The following TSHZ2 variants were observed in gnomAD, a reference collection of about 807,000 sequenced individuals.
TSHZ2 encodes teashirt zinc finger homeobox 2, also known as teashirt homolog 2.
In TSHZ2, 21 loss-of-function variants were observed where a neutral mutation model predicts 74.4. The ratio of observed to expected loss-of-function variants is 0.28; its 90% CI spans 0.20 to 0.41. The LOEUF (loss-of-function observed/expected upper bound fraction) is 0.41. Ranked by LOEUF, TSHZ2 falls within the 10% of genes least tolerant of loss-of-function variation. The pLI, the probability that TSHZ2 is intolerant of heterozygous loss-of-function variation, is 1.00. For synonymous variants in TSHZ2, 540 were observed against 515.3 expected (o/e 1.05, Z -0.65); for missense variants, 1,244 against 1,293.5 (o/e 0.96, Z 0.59).
chr20:53,350,558 T>G (rs1449978820), intron 2 of TSHZ2, among the ~76,000 whole-genome samples: 1 of 152,228 alleles, frequency 6.6e-6, no homozygotes, highest in Non-Finnish European at 1.5e-5. Flanking sequence ...CCTTGTATCC[T>G]ACTTGATAGG....
At position 53,391,667 on chromosome 20, in the gene TSHZ2, G is replaced by A. The variant is rs190554813; in HGVS notation, c.*9-95477G>A. 2.7e-3 allele frequency among the ~76,000 whole-genome samples: 406 copies of A among 152,262 alleles called. 2 individuals carry two copies. The highest frequency in any genetic ancestry group is 3.1e-3 in the Admixed American group (47 of 15,292). On this transcript the variant is annotated intron_variant, in intron 2 of 2. Coordinates refer to ENST00000371497, the MANE Select transcript of TSHZ2 (RefSeq NM_173485.6). Reference sequence around the variant, plus strand: ...ATATTAAGAATGGCAAAATAGCCGAGCACAGTGGCTCTCGCCTGTAATCCC... The same window carrying A: ...ATATTAAGAATGGCAAAATAGCCGAACACAGTGGCTCTCGCCTGTAATCCC...
intron 2 of TSHZ2, among the ~76,000 whole-genome samples, chr20:53,274,157 C>T (rs1568847136): frequency 1.3e-5 from 2 of 152,282 alleles, no homozygotes; most frequent in South Asian, 4.1e-4. Context: ...GTAATCCCAG[C>T]TACTCAGGAA....
rs1408803738 is a variant in TSHZ2, at chr20:53,475,114, G to C, written c.*9-12030G>C. On this transcript the variant is annotated intron_variant, in intron 2 of 2. Transcript: ENST00000371497. ...GACAGATCAACGAGACAGAAAGTCA[G>C]CAAGGATACCCAGGAATTGAACTCA... Among the ~76,000 whole-genome samples the C allele has an allele frequency of 5.7e-5, 8 of 139,136 alleles. 1 individual carries two copies. The highest frequency in any genetic ancestry group is 2.3e-4 in the African/African-American group (8 of 35,534). The allele number at this position is 139,136 out of a possible 152,430, so 91.3% of individuals were successfully genotyped here. A position where few individuals can be genotyped will look rare whatever the true frequency, so the allele number is the denominator to read the frequency against.
At chr20:53,473,944 A>G (rs1305212241) in intron 2 of TSHZ2, among the ~76,000 whole-genome samples, 7 of 152,032 alleles carry the variant, frequency 4.6e-5, no homozygotes, top group South Asian at 2.1e-4. Flanking sequence ...AAGCGAGAAG[A>G]GAAGTTTAGA....
intron 2 of TSHZ2, among the ~76,000 whole-genome samples, chr20:53,275,622 A>G (rs550373728): frequency 1.8e-4 from 27 of 152,240 alleles, no homozygotes; most frequent in African/African-American, 6.3e-4. Flanking sequence ...TTTGGAAGCA[A>G]TGGTTAAAAC....
chr20:53,003,205 T>G (rs1982503087), intron 1 of TSHZ2, among the ~76,000 whole-genome samples: 1 of 152,078 alleles, frequency 6.6e-6, no homozygotes, highest in Admixed American at 6.6e-5. Context: ...CCTGCCTGTC[T>G]ACCTGGGGTT....
At chr20:53,420,008 T>G (rs182736389) in intron 2 of TSHZ2, among the ~76,000 whole-genome samples, 1 of 152,342 alleles carries the variant, frequency 6.6e-6, no homozygotes, top group East Asian at 1.9e-4. Flanking sequence ...ATTCAGAAAT[T>G]TAGTCATTCA....
At chr20:53,336,570 A>T (rs1182496742) in intron 2 of TSHZ2, among the ~76,000 whole-genome samples, 2 of 152,228 alleles carry the variant, frequency 1.3e-5, no homozygotes, top group East Asian at 1.9e-4. Context: ...GCTGGTGGGT[A>T]AGCACAGTGA....
chr20:53,400,681 G>A (rs1261063730), intron 2 of TSHZ2, among the ~76,000 whole-genome samples: 1 of 152,112 alleles, frequency 6.6e-6, no homozygotes, highest in Non-Finnish European at 1.5e-5. Flanking sequence ...TAATGGAAAA[G>A]CCTGCCCTCA....
intron 1 of TSHZ2, among the ~76,000 whole-genome samples, chr20:53,001,228 G>GTGTATATATGTGTGTGTGTGTGTGTA (rs1283887323): frequency 1.4e-5 from 2 of 143,484 alleles, no homozygotes; most frequent in African/African-American, 5.4e-5. Context: ...GTGTGTGTGT[G>GTGTATATATGTGTGTGTGTGTGTGTA]TGTGTGTGTG....
At chr20:53,475,649 A>T (rs956080902) in intron 2 of TSHZ2, among the ~76,000 whole-genome samples, 3 of 133,850 alleles carry the variant, frequency 2.2e-5, no homozygotes, top group Non-Finnish European at 4.7e-5. Flanking sequence ...GGCAAGAAAT[A>T]ACTAAAATCA....
At chr20:53,141,678 G>T (rs565271308) in intron 1 of TSHZ2, among the ~76,000 whole-genome samples, 56 of 152,278 alleles carry the variant, frequency 3.7e-4, no homozygotes, top group Middle Eastern at 3.4e-3. Context: ...CACCTTTCCT[G>T]CACCTATCCG....
At chr20:53,441,303 T>C (rs1305166453) in intron 2 of TSHZ2, among the ~76,000 whole-genome samples, 1 of 151,646 alleles carries the variant, frequency 6.6e-6, no homozygotes, top group African/African-American at 2.4e-5. Context: ...TCTCACTCTG[T>C]TGCCCAGGCT....
intron 1 of TSHZ2, among the ~76,000 whole-genome samples, chr20:53,050,257 T>A (rs1984413661): frequency 6.6e-6 from 1 of 150,840 alleles, no homozygotes; most frequent in African/African-American, 2.4e-5. Context: ...GTTTTGTGAT[T>A]GGTATATTTA....
chr20:53,021,648 G>C (rs958556220), intron 1 of TSHZ2, among the ~76,000 whole-genome samples: 10 of 152,110 alleles, frequency 6.6e-5, no homozygotes, highest in African/African-American at 2.4e-4. Flanking sequence ...CGTGATGTGG[G>C]ACCAGCCTTT....
intron 2 of TSHZ2, among the ~76,000 whole-genome samples, chr20:53,421,968 AC>A (rs1234252943): frequency 6.6e-6 from 1 of 152,018 alleles, no homozygotes; most frequent in Non-Finnish European, 1.5e-5. Context: ...GGCATGAGCC[AC>A]CGCACCCGGC....
intron 2 of TSHZ2, among the ~76,000 whole-genome samples, chr20:53,298,663 C>T (rs1164857999): frequency 6.6e-6 from 1 of 152,124 alleles, no homozygotes; most frequent in Non-Finnish European, 1.5e-5. Flanking sequence ...CAGAGAGGAC[C>T]TTGAGAAGTC....
intron 1 of TSHZ2, among the ~76,000 whole-genome samples, chr20:53,234,838 G>A (rs1219815575): frequency 6.6e-6 from 1 of 152,170 alleles, no homozygotes; most frequent in African/African-American, 2.4e-5. Flanking sequence ...GCCATGGTGA[G>A]AACATTGACT....
At chr20:53,157,024 T>C (rs748322312) in intron 1 of TSHZ2, among the ~76,000 whole-genome samples, 3 of 152,194 alleles carry the variant, frequency 2.0e-5, no homozygotes, top group Non-Finnish European at 4.4e-5. Context: ...TAATTACCTG[T>C]GACTCCTGGC....
Sources: allele counts gnomAD v4.1 joint callset (sites outside exome capture counted in the v4.1 genomes callset), GRCh38; gene constraint gnomAD v4.1.1; transcripts MANE v1.5; gene names NCBI Gene and HGNC (gene_info 2026-07-23, HGNC 2026-07-21).